DCP1A: variants seen among roughly 807,000 people sequenced by gnomAD.
DCP1A encodes mRNA-decapping enzyme 1A.
In DCP1A, 20 loss-of-function variants were observed where a neutral mutation model predicts 58.0. The ratio of observed to expected loss-of-function variants is 0.34; its 90% CI spans 0.24 to 0.50. DCP1A has a LOEUF of 0.50. Ranked by LOEUF, DCP1A falls within the 20% of genes least tolerant of loss-of-function variation. The pLI, the probability that DCP1A is intolerant of heterozygous loss-of-function variation, is 0.98. For synonymous variants in DCP1A, 285 were observed against 275.1 expected, an observed-to-expected ratio of 1.04 and a Z score of -0.36; for missense variants, 613 against 712.2, an observed-to-expected ratio of 0.86 and a Z score of 1.59.
chr3:53,293,929 C>A (rs1264034822), intron 6 of DCP1A, among the ~76,000 whole-genome samples: 1 of 152,068 alleles, frequency 6.6e-6, no homozygotes, highest in Non-Finnish European at 1.5e-5. Flanking sequence ...CCCCACCGGA[C>A]CCCCGCACAC....
At chr3:53,288,787 A>G (rs1706743749) in intron 8 of DCP1A, among the ~76,000 whole-genome samples, 1 of 152,174 alleles carries the variant, frequency 6.6e-6, no homozygotes, top group South Asian at 2.1e-4. Context: ...CTATAATCCC[A>G]GCACTCTGGG....
chr3:53,329,399 A>AT, intron 3 of DCP1A: 1 of 398,642 alleles, frequency 2.5e-6, no homozygotes, highest in Non-Finnish European at 4.4e-6. Context: ...AGGAAAAGTG[A>AT]TAAGTGAAGC....
At chr3:53,331,693 G>A (rs372330674) in intron 3 of DCP1A, among the ~76,000 whole-genome samples, 1 of 152,160 alleles carries the variant, frequency 6.6e-6, no homozygotes, top group East Asian at 1.9e-4. Flanking sequence ...TTCACATGCC[G>A]GGTTTAGATT....
Position 53,294,991 on chromosome 3 carries a change from C to T in DCP1A, c.625-2164G>A, listed in dbSNP as rs151052585. Among the ~76,000 whole-genome samples the T allele has an allele frequency of 1.6e-4, 24 of 152,302 alleles. 1 individual carries two copies. In the East Asian group the frequency reaches 4.6e-3, roughly 29 times the overall value. ...AGTACATGGCAGACACTCAACAGTG[C>T]TCTCTTCCAAAGTTCTTTCGGGGAG... On this transcript the variant is annotated intron_variant, in intron 6 of 9. Coordinates refer to ENST00000610213, the MANE Select transcript of DCP1A (RefSeq NM_018403.7).
intron 3 of DCP1A, among the ~76,000 whole-genome samples, chr3:53,335,132 T>A (rs1454684941): frequency 2.6e-5 from 4 of 150,944 alleles, no homozygotes; most frequent in Middle Eastern, 3.2e-3. Context: ...TATATATATT[T>A]TTTTTATTTT....
At chr3:53,322,604 G>A (rs1708000969) in intron 3 of DCP1A, among the ~76,000 whole-genome samples, 1 of 151,858 alleles carries the variant, frequency 6.6e-6, no homozygotes, top group Admixed American at 6.6e-5. Flanking sequence ...TGAAGATCAT[G>A]AACAAGAATT....
At chr3:53,308,217 AAG>A (rs572904791) in intron 5 of DCP1A, among the ~76,000 whole-genome samples, 102 of 152,330 alleles carry the variant, frequency 6.7e-4, no homozygotes, top group Admixed American at 1.8e-3. Context: ...GTTTTAAAAA[AAG>A]AAAAAACTTT....
chr3:53,304,051 T>C, intron 6 of DCP1A, 126 bp downstream of exon 6: 1 of 649,036 alleles, frequency 1.5e-6, no homozygotes, highest in East Asian at 2.7e-5. Flanking sequence ...CCTAGGAGGA[T>C]GTCATTATGT....
chr3:53,343,308 C>A (rs948054988), intron 2 of DCP1A, among the ~76,000 whole-genome samples: 10 of 152,210 alleles, frequency 6.6e-5, no homozygotes, highest in Admixed American at 2.0e-4. Flanking sequence ...GACAGTCTGA[C>A]ATCCTGGTAT....
chr3:53,326,988 C>G (rs1373334484), intron 3 of DCP1A, among the ~76,000 whole-genome samples: 1 of 148,210 alleles, frequency 6.7e-6, no homozygotes, highest in African/African-American at 2.5e-5. Flanking sequence ...CCCCCCCCCC[C>G]AACTGGTATT....
In DCP1A at chr3:53,315,940, G is replaced by A. The variant is rs147367101; in HGVS notation, c.371+3467C>T. 9.0e-3 allele frequency among the ~76,000 whole-genome samples: 1,368 copies of A among 151,932 alleles called. 10 individuals are homozygous for A. Among genetic ancestry groups the A allele is most frequent in the Non-Finnish European group, 0.015 (1,002 of 67,948 alleles). ...CGCTAATTTTTTTGTATTTTTACTA[G>A]AGACGAGGTTTCACCATATTGGCCA... On this transcript the variant is annotated intron_variant, in intron 4 of 9. Coordinates refer to ENST00000610213, the MANE Select transcript of DCP1A (RefSeq NM_018403.7).
chr3:53,287,956 C>CCA, intron 9 of DCP1A, 109 bp downstream of exon 9: 1 of 1,154,446 alleles, frequency 8.7e-7, no homozygotes, highest in South Asian at 1.6e-5. Flanking sequence ...TGCCTGGCCT[C>CCA]CAGCTAGTCT....
intron 3 of DCP1A, among the ~76,000 whole-genome samples, chr3:53,341,396 A>G (rs1193890411): frequency 6.6e-6 from 1 of 152,144 alleles, no homozygotes; most frequent in Non-Finnish European, 1.5e-5. Flanking sequence ...CAGAGCTTGC[A>G]TGAGCCTAGA....
intron 3 of DCP1A, chr3:53,338,136 T>C (rs1445679757): frequency 2.2e-6 from 1 of 448,118 alleles, no homozygotes; most frequent in Non-Finnish European, 4.5e-6. Flanking sequence ...GAGCCTCTTG[T>C]TTTCTCAACC....
At chr3:53,338,275 A>T (rs2089148913) in intron 3 of DCP1A, 1 of 265,680 alleles carries the variant, frequency 3.8e-6, no homozygotes, top group Non-Finnish European at 8.0e-6. Flanking sequence ...GCCCTTGCAC[A>T]GAATAAAAAT....
chr3:53,331,166 A>T (rs1456626397), intron 3 of DCP1A, among the ~76,000 whole-genome samples: 2 of 152,134 alleles, frequency 1.3e-5, no homozygotes, highest in African/African-American at 4.8e-5. Context: ...CCAAAATGCA[A>T]TATTGAAATA....
Position 53,292,745 on chromosome 3 carries a change from C to T in DCP1A, c.707G>A (p.Gly236Asp). Residue 236 changes from glycine to aspartate, a missense_variant, in exon 7 of 10, where the codon GGT becomes GAT. Coordinates refer to ENST00000610213, the MANE Select transcript of DCP1A (RefSeq NM_018403.7). ...CCTCTCCATTTCTTCTGAATCCAGA[C>T]CCACAACTGCTGGTTGTTCCTTTGG... ...SLPKEQPAVV[G>D]LDSEEMERLP... 1 of 1,613,850 alleles carries T rather than the reference C, an allele frequency of 6.2e-7. No homozygotes were observed. Among genetic ancestry groups the T allele is most frequent in the Non-Finnish European group, 8.5e-7 (1 of 1,179,888 alleles).
intron 4 of DCP1A, 72 bp downstream of exon 4, chr3:53,319,333 CAA>C (rs1707896543): frequency 2.0e-6 from 2 of 990,632 alleles, no homozygotes; most frequent in African/African-American, 1.6e-5. Flanking sequence ...ACTTTAGTAA[CAA>C]AGAGAAGTGG....
chr3:53,292,889 T>G, intron 6 of DCP1A, 62 bp from the exon 7 acceptor site: 1 of 1,504,212 alleles, frequency 6.6e-7, no homozygotes, highest in South Asian at 1.3e-5. Flanking sequence ...TAACCAAACT[T>G]CTTTTCCAGA....
Sources: gnomAD v4.1 joint callset for allele counts (sites outside exome capture counted in the v4.1 genomes callset) on GRCh38, gnomAD v4.1.1 for gene constraint, MANE v1.5 for transcripts, NCBI Gene and HGNC (gene_info 2026-07-23, HGNC 2026-07-21) for gene names.